ERCC3: variants seen among roughly 807,000 people sequenced by gnomAD.
The protein encoded by ERCC3 is general transcription and DNA repair factor IIH helicase/translocase subunit XPB.
In ERCC3, 66 loss-of-function variants were observed where a neutral mutation model predicts 94.2. That is an observed-to-expected ratio of 0.70 (90% CI 0.57 to 0.86). The LOEUF is 0.86. ERCC3 is among the 40% of genes least tolerant of loss of function. ERCC3 has a pLI of 0.00. For synonymous variants in ERCC3, 349 were observed against 369.1 expected, an observed-to-expected ratio of 0.95 and a Z score of 0.63; for missense variants, 829 against 987.1, an observed-to-expected ratio of 0.84 and a Z score of 2.15.
rs947400668 is a variant in ERCC3, at chr2:127,259,006, G to A, written c.2217+290C>T. 6.6e-6 allele frequency among the ~76,000 whole-genome samples: 1 copy of A among 151,960 alleles called. No individual in the cohort carries two copies. The highest frequency in any genetic ancestry group is 2.4e-5 in the African/African-American group (1 of 41,368). On this transcript the variant is annotated intron_variant, in intron 14 of 14. Coordinates refer to ENST00000285398, the MANE Select transcript of ERCC3 (RefSeq NM_000122.2). The surrounding 1 kb of genome is among the most constrained non-coding windows in gnomAD (Gnocchi z 4.9). ...TCCAGTCACCACCAAGGTGAGCTGGGGTCACCTGCTTGCCATCCTGGGCTT... is the reference window on the plus strand; with the variant it reads ...TCCAGTCACCACCAAGGTGAGCTGGAGTCACCTGCTTGCCATCCTGGGCTT...
intron 12 of ERCC3, among the ~76,000 whole-genome samples, chr2:127,266,268 C>T (rs1684357648): frequency 6.9e-6 from 1 of 145,590 alleles, no homozygotes; most frequent in Admixed American, 6.7e-5. Flanking sequence ...CTGATTTCTA[C>T]TTTTATTCCA....
At chr2:127,276,462 G>A (rs1684738087) in intron 10 of ERCC3, among the ~76,000 whole-genome samples, 1 of 152,058 alleles carries the variant, frequency 6.6e-6, no homozygotes, top group Admixed American at 6.6e-5. Flanking sequence ...ACAGACGGAA[G>A]CTTCAAAAGT....
At chr2:127,289,950 T>C (rs1685209420) in intron 4 of ERCC3, 126 bp from the exon 5 acceptor site, 4 of 1,147,434 alleles carry the variant, frequency 3.5e-6, no homozygotes, top group Non-Finnish European at 5.1e-6. Flanking sequence ...CTTCGCCAAA[T>C]CTGTACCATG....
In ERCC3 at chr2:127,291,844, C is replaced by T. The variant is rs1558964325; in HGVS notation, c.471+766G>A. ...CAAAAACATCTGAAGTTGTTTTTGA[C>T]TTTCCCTCATGGAACTTGTTGACTA... On this transcript the variant is annotated intron_variant, in intron 3 of 14. Transcript: ENST00000285398. This position sits in a 1 kb window ranked among gnomAD's most constrained non-coding sequence, Gnocchi z 4.9. 2 of 152,532 alleles carry T rather than the reference C, an allele frequency of 1.3e-5. No homozygotes were observed. Among genetic ancestry groups the T allele is most frequent in the Non-Finnish European group, 2.9e-5 (2 of 68,296 alleles). 9.4% of individuals were successfully genotyped at this position (152,532 alleles called of 1,614,324 possible). A position where few individuals can be genotyped will look rare whatever the true frequency, so the allele number is the denominator to read the frequency against.
intron 1 of ERCC3, 54 bp downstream of exon 1, chr2:127,294,000 G>C (rs1231653910): frequency 6.3e-7 from 1 of 1,593,586 alleles, no homozygotes; most frequent in Non-Finnish European, 8.5e-7. Flanking sequence ...GGCAGAGCGG[G>C]GGGCAGGGCC....
In ERCC3 at chr2:127,280,777, T is replaced by A; in HGVS notation, c.1343-146A>T. On this transcript the variant is annotated intron_variant, in intron 8 of 14. Coordinates refer to ENST00000285398, the MANE Select transcript of ERCC3 (RefSeq NM_000122.2). The surrounding 1 kb of genome is among the most constrained non-coding windows in gnomAD (Gnocchi z 6.3). ...CCTGGCCTCAAGCAATCCCCCTGCC[T>A]TCGCCTCCCAAAGTGCTGGGATTAC... is the stretch of plus-strand genomic sequence containing the variant. 1 of 739,650 alleles carries A rather than the reference T, an allele frequency of 1.4e-6. No homozygotes were observed. The highest frequency in any genetic ancestry group is 2.3e-6 in the Non-Finnish European group (1 of 438,170). 45.8% of individuals were successfully genotyped at this position (739,650 alleles called of 1,614,324 possible).
At chr2:127,288,526 T>G in intron 7 of ERCC3, 134 bp downstream of exon 7, 1 of 828,948 alleles carries the variant, frequency 1.2e-6, no homozygotes, top group South Asian at 1.3e-5. Flanking sequence ...TGTCAAGTCA[T>G]GAATCAGGGA....
At chr2:127,288,115 G>GAAGCTA (rs1441713120) in intron 7 of ERCC3, among the ~76,000 whole-genome samples, 4 of 152,172 alleles carry the variant, frequency 2.6e-5, no homozygotes, top group Non-Finnish European at 5.9e-5. Context: ...CTCTGGCCAA[G>GAAGCTA]AAGCTAGGCT....
In ERCC3 at chr2:127,275,383, C is replaced by T. The variant is rs4150475; in HGVS notation, c.1731-2422G>A. On this transcript the variant is annotated intron_variant, in intron 10 of 14. Transcript: ENST00000285398. ...CAAGAAGAAAAAACACTACTTCATA[C>T]ATTTAAAGGCCAGAGACACAAAAAA... 2.1e-3 allele frequency among the ~76,000 whole-genome samples: 313 copies of T among 152,272 alleles called. 4 individuals carry two copies. Among genetic ancestry groups the T allele is most frequent in the East Asian group, 0.015 (77 of 5,186 alleles).
At chr2:127,286,178 G>C (rs1462623884) in intron 8 of ERCC3, among the ~76,000 whole-genome samples, 3 of 152,104 alleles carry the variant, frequency 2.0e-5, no homozygotes, top group African/African-American at 4.8e-5. Flanking sequence ...ATGGAGGAAA[G>C]AAAATATCAT....
In ERCC3 at chr2:127,280,970, G is replaced by C. The variant is rs542436778; in HGVS notation, c.1343-339C>G. The C allele has an allele frequency of 4.3e-6, 2 of 466,974 alleles. No homozygotes were observed. The highest frequency in any genetic ancestry group is 5.6e-4 in the Middle Eastern group (1 of 1,774). The allele number at this position is 466,974 out of a possible 1,614,324, so 28.9% of individuals were successfully genotyped here. ...GGCAAATGCTTCACCATCACTTTTA[G>C]ACCTGTCCAAAAGAAAATGAAAAGG... is the stretch of plus-strand genomic sequence containing the variant. On this transcript the variant is annotated intron_variant, in intron 8 of 14. Transcript: ENST00000285398. The surrounding 1 kb of genome is among the most constrained non-coding windows in gnomAD (Gnocchi z 6.3).
intron 7 of ERCC3, 74 bp downstream of exon 7, chr2:127,288,586 G>A: frequency 7.9e-7 from 1 of 1,267,754 alleles, no homozygotes; most frequent in African/African-American, 1.5e-5. Context: ...GAAATGTGCA[G>A]AGAGAAAGCG....
chr2:127,294,032 G>C (rs766486861), intron 1 of ERCC3, 22 bp downstream of exon 1: 23 of 1,603,406 alleles, frequency 1.4e-5, no homozygotes, highest in Non-Finnish European at 1.9e-5. Context: ...TCGTGGCTGA[G>C]CGTGCCCGCG....
At chr2:127,282,434 A>T (rs982546922) in intron 8 of ERCC3, among the ~76,000 whole-genome samples, 1 of 152,246 alleles carries the variant, frequency 6.6e-6, no homozygotes, top group South Asian at 2.1e-4. Flanking sequence ...AGAAATAATG[A>T]AACTGGCACA....
chr2:127,263,975 G>T (rs1684277209), intron 12 of ERCC3, among the ~76,000 whole-genome samples: 1 of 152,086 alleles, frequency 6.6e-6, no homozygotes, highest in African/African-American at 2.4e-5. Flanking sequence ...CTCCCAAAGT[G>T]CTCGGATTAC....
intron 12 of ERCC3, among the ~76,000 whole-genome samples, chr2:127,267,945 T>A (rs1349873190): frequency 6.6e-6 from 1 of 151,970 alleles, no homozygotes; most frequent in African/African-American, 2.4e-5. Context: ...CTCACTATGG[T>A]TTTTTGGTTT....
At chr2:127,261,002 A>G in intron 13 of ERCC3, 1 of 549,172 alleles carries the variant, frequency 1.8e-6, no homozygotes, top group Non-Finnish European at 3.3e-6. Context: ...AGATTCACAC[A>G]GTGCTGGTCA....
chr2:127,281,195 C>A (rs1412324728), intron 8 of ERCC3, among the ~76,000 whole-genome samples: 2 of 152,200 alleles, frequency 1.3e-5, no homozygotes, highest in African/African-American at 2.4e-5. Flanking sequence ...AGAAAGTTGA[C>A]AATCTAGGGA....
At chr2:127,272,453 A>T (rs1330261835) in intron 11 of ERCC3, among the ~76,000 whole-genome samples, 1 of 152,196 alleles carries the variant, frequency 6.6e-6, no homozygotes, top group Non-Finnish European at 1.5e-5. Flanking sequence ...CTGTGCTGAC[A>T]TCCACCACCC....
Sources: gnomAD v4.1 joint callset for allele counts (sites outside exome capture counted in the v4.1 genomes callset) on GRCh38, gnomAD v4.1.1 for gene constraint, Gnocchi (gnomAD v3.1) non-coding constraint, MANE v1.5 for transcripts, NCBI Gene and HGNC (gene_info 2026-07-23, HGNC 2026-07-21) for gene names.